GALNTL6: variants seen among roughly 807,000 people sequenced by gnomAD.
The protein encoded by GALNTL6 is polypeptide N-acetylgalactosaminyltransferase-like 6.
Under a neutral mutation model 73.7 loss-of-function variants are expected in GALNTL6, and 46 were observed. That is an observed-to-expected ratio of 0.62 (90% CI 0.49 to 0.80). The LOEUF (loss-of-function observed/expected upper bound fraction) is 0.80. Ranked by LOEUF, GALNTL6 falls within the 30% of genes least tolerant of loss-of-function variation. GALNTL6 has a pLI of 0.00. For missense variants in GALNTL6, 604 were observed against 755.0 expected, an observed-to-expected ratio of 0.80 and a Z score of 2.34; for synonymous variants, 259 against 263.7, an observed-to-expected ratio of 0.98 and a Z score of 0.17.
intron 5 of GALNTL6, among the ~76,000 whole-genome samples, chr4:172,722,618 A>T (rs764937913): frequency 3.3e-5 from 5 of 152,222 alleles, no homozygotes; most frequent in Non-Finnish European, 7.3e-5. Flanking sequence ...AGAAAAGATC[A>T]GAAAACATAT....
chr4:172,452,858 G>C (rs1238337398), intron 5 of GALNTL6, among the ~76,000 whole-genome samples: 1 of 152,112 alleles, frequency 6.6e-6, no homozygotes, highest in Non-Finnish European at 1.5e-5. Context: ...AGAATATTAA[G>C]AAAAGCATTG....
chr4:172,621,749 A>C (rs933477681), intron 5 of GALNTL6, among the ~76,000 whole-genome samples: 2 of 152,314 alleles, frequency 1.3e-5, no homozygotes, highest in African/African-American at 4.8e-5. Context: ...CCTAGGTTTT[A>C]GGTTTCTACT....
intron 5 of GALNTL6, among the ~76,000 whole-genome samples, chr4:172,402,181 T>C (rs1254609591): frequency 6.6e-6 from 1 of 152,112 alleles, no homozygotes; most frequent in Admixed American, 6.6e-5. Context: ...TTTATAACTC[T>C]CATTTGGGAG....
intron 5 of GALNTL6, among the ~76,000 whole-genome samples, chr4:172,377,940 G>A (rs989426593): frequency 4.0e-5 from 6 of 151,232 alleles, no homozygotes; most frequent in African/African-American, 7.3e-5. Flanking sequence ...CTCCCCACAA[G>A]CAGAGGGAGC....
intron 2 of GALNTL6, among the ~76,000 whole-genome samples, chr4:171,966,918 T>C (rs938378231): frequency 9.9e-5 from 15 of 152,178 alleles, no homozygotes; most frequent in Admixed American, 8.5e-4. Context: ...AAATAAGCAA[T>C]CTTGAGAAAT....
intron 2 of GALNTL6, among the ~76,000 whole-genome samples, chr4:172,224,935 A>AGG (rs765070631): frequency 6.6e-6 from 1 of 152,062 alleles, no homozygotes; most frequent in Non-Finnish European, 1.5e-5. Flanking sequence ...TTTCTACTTA[A>AGG]TGGATTCTGT....
At chr4:172,059,606 T>C (rs1206292828) in intron 2 of GALNTL6, among the ~76,000 whole-genome samples, 2 of 152,048 alleles carry the variant, frequency 1.3e-5, no homozygotes, top group Non-Finnish European at 2.9e-5. Context: ...TTTAAAGAGA[T>C]TTAACACAAC....
chr4:172,272,161 G>T (rs1738680251), intron 3 of GALNTL6, among the ~76,000 whole-genome samples: 1 of 152,026 alleles, frequency 6.6e-6, no homozygotes, highest in African/African-American at 2.4e-5. Flanking sequence ...TGCCATGTTG[G>T]CCATGCTGCT....
chr4:171,883,105 C>G (rs1736499993), intron 2 of GALNTL6, among the ~76,000 whole-genome samples: 1 of 152,098 alleles, frequency 6.6e-6, no homozygotes, highest in Non-Finnish European at 1.5e-5. Flanking sequence ...AATCCCAGCA[C>G]TCTGGGAGGC....
At chr4:171,816,685 A>G (rs1734534952) in intron 2 of GALNTL6, among the ~76,000 whole-genome samples, 1 of 152,042 alleles carries the variant, frequency 6.6e-6, no homozygotes, top group African/African-American at 2.4e-5. Flanking sequence ...TACTTTTTAT[A>G]GATTAAAAAA....
At chr4:172,123,624 C>T (rs1045593104) in intron 2 of GALNTL6, among the ~76,000 whole-genome samples, 4 of 150,988 alleles carry the variant, frequency 2.6e-5, no homozygotes, top group Non-Finnish European at 2.9e-5. Context: ...GCCTCAGCCT[C>T]CCAAGTAGCT....
At chr4:171,835,154 C>T (rs1294517503) in intron 2 of GALNTL6, among the ~76,000 whole-genome samples, 2 of 151,950 alleles carry the variant, frequency 1.3e-5, no homozygotes, top group Non-Finnish European at 2.9e-5. Context: ...GTCATAAGCA[C>T]ATTTTGTTTA....
intron 5 of GALNTL6, among the ~76,000 whole-genome samples, chr4:172,639,204 C>T (rs898761728): frequency 7.9e-5 from 12 of 152,048 alleles, no homozygotes; most frequent in South Asian, 4.1e-4. Context: ...TAGCATTCAT[C>T]GATGATTCTT....
chr4:173,031,326 T>C (rs891431089), intron 12 of GALNTL6, among the ~76,000 whole-genome samples: 1 of 152,200 alleles, frequency 6.6e-6, no homozygotes, highest in Non-Finnish European at 1.5e-5. Context: ...TGATTTTCGC[T>C]CTCCAAATAG....
intron 2 of GALNTL6, among the ~76,000 whole-genome samples, chr4:171,903,268 G>C (rs946751992): frequency 6.6e-6 from 1 of 152,064 alleles, no homozygotes. Context: ...GACAGTGGGC[G>C]CAGGTCAGTG....
intron 5 of GALNTL6, among the ~76,000 whole-genome samples, chr4:172,655,186 T>A (rs891668203): frequency 1.3e-5 from 2 of 152,206 alleles, no homozygotes; most frequent in African/African-American, 4.8e-5. Context: ...AGAAATAAAT[T>A]ATTTCCCATT....
intron 2 of GALNTL6, among the ~76,000 whole-genome samples, chr4:172,150,555 G>C (rs999108897): frequency 6.6e-6 from 1 of 152,186 alleles, no homozygotes; most frequent in Non-Finnish European, 1.5e-5. Flanking sequence ...TCAGTAAAGA[G>C]TGCAGCAATG....
At chr4:171,914,470 G>A (rs921657400) in intron 2 of GALNTL6, among the ~76,000 whole-genome samples, 16 of 133,760 alleles carry the variant, frequency 1.2e-4, no homozygotes, top group African/African-American at 3.1e-4. Context: ...TTGTTCTGTC[G>A]CCCAGGCTGG....
At chr4:171,889,706 T>C (rs925691014) in intron 2 of GALNTL6, among the ~76,000 whole-genome samples, 1 of 152,074 alleles carries the variant, frequency 6.6e-6, no homozygotes, top group Non-Finnish European at 1.5e-5. Context: ...GAGAAAAAGA[T>C]GACAAACTTT....
Sources: allele counts gnomAD v4.1 joint callset (sites outside exome capture counted in the v4.1 genomes callset), GRCh38; gene constraint gnomAD v4.1.1; transcripts MANE v1.5; gene names NCBI Gene and HGNC (gene_info 2026-07-23, HGNC 2026-07-21).